The following PDE1A variants were observed in gnomAD, a reference collection of about 807,000 sequenced individuals.
The protein encoded by PDE1A is phosphodiesterase 1A.
A neutral mutation model predicts 61.7 loss-of-function variants in PDE1A; 35 were observed. The ratio of observed to expected loss-of-function variants is 0.57; its 90% CI spans 0.43 to 0.75. PDE1A has a LOEUF of 0.75. Among genes scored for constraint, PDE1A ranks in the 30% least tolerant of loss-of-function variants. The pLI is 0.00. For synonymous variants in PDE1A, 232 were observed against 213.2 expected (o/e 1.09, Z -0.77); for missense variants, 597 against 630.6 (o/e 0.95, Z 0.57).
the PDE1A span, among the ~76,000 whole-genome samples, chr2:182,700,660 T>G: frequency 8.6e-5 from 12 of 139,768 alleles, no homozygotes; most frequent in East Asian, 1.7e-3. Flanking sequence ...AGGCAGAGGT[T>G]GCAGTGAGCT....
chr2:182,427,126 C>G (rs1703673251), upstream of PDE1A: 2 of 390,684 alleles, frequency 5.1e-6, no homozygotes, highest in Non-Finnish European at 7.0e-6. Flanking sequence ...TTCAGCAGCC[C>G]CATGTGAGTA....
the PDE1A span, among the ~76,000 whole-genome samples, chr2:182,619,896 C>T: frequency 6.6e-6 from 1 of 152,114 alleles, no homozygotes. Context: ...TGGCAGAAGG[C>T]AGAAGCGCAA....
At chr2:182,240,020 G>A in intron 3 of PDE1A, 90 bp downstream of exon 3, 1 of 1,127,388 alleles carries the variant, frequency 8.9e-7, no homozygotes. Flanking sequence ...GTCAATAAGT[G>A]AAATATAGAC....
intron 2 of PDE1A, among the ~76,000 whole-genome samples, chr2:182,494,384 C>T (rs1688583005): frequency 2.0e-5 from 3 of 152,038 alleles, no homozygotes; most frequent in Admixed American, 2.0e-4. Context: ...TATAATTGAT[C>T]ATACTCTCCA....
intron 2 of PDE1A, among the ~76,000 whole-genome samples, chr2:182,464,592 TA>T (rs547652252): frequency 2.6e-5 from 4 of 151,850 alleles, no homozygotes; most frequent in Non-Finnish European, 4.4e-5. Context: ...GTTAACATGG[TA>T]AAAAAAATAA....
chr2:182,380,106 C>CTTTTTTTT (rs1226939777), intron 1 of PDE1A, among the ~76,000 whole-genome samples: 2 of 103,856 alleles, frequency 1.9e-5, no homozygotes, highest in Non-Finnish European at 3.7e-5. Context: ...CCCAGCTCCT[C>CTTTTTTTT]TTTTTTTTTT....
the PDE1A span, among the ~76,000 whole-genome samples, chr2:182,595,565 G>A: frequency 6.6e-6 from 1 of 152,198 alleles, no homozygotes; most frequent in African/African-American, 2.4e-5. Flanking sequence ...CTACTCAATC[G>A]TTTTCAACTT....
At chr2:182,247,354 G>A (rs1173208050) in intron 2 of PDE1A, among the ~76,000 whole-genome samples, 3 of 152,122 alleles carry the variant, frequency 2.0e-5, no homozygotes, top group Non-Finnish European at 4.4e-5. Context: ...ATAGAGAAGA[G>A]TAAGAAACTT....
At chr2:182,379,492 G>A (rs927719742) in intron 1 of PDE1A, among the ~76,000 whole-genome samples, 5 of 152,108 alleles carry the variant, frequency 3.3e-5, no homozygotes, top group East Asian at 1.9e-4. Context: ...CTGTTCAAAC[G>A]TCTGATAGAA....
chr2:182,447,640 T>A (rs1156974924), intron 2 of PDE1A, among the ~76,000 whole-genome samples: 1 of 151,964 alleles, frequency 6.6e-6, no homozygotes, highest in Non-Finnish European at 1.5e-5. Flanking sequence ...TTTTCAACCT[T>A]ATTTTCACTG....
chr2:182,571,671 A>AAAT, the PDE1A span, among the ~76,000 whole-genome samples: 37 of 151,664 alleles, frequency 2.4e-4, no homozygotes, highest in Admixed American at 3.3e-4. Context: ...TTATATTTAA[A>AAAT]AATAATAATA....
chr2:182,382,951 G>A (rs1029621407), intron 1 of PDE1A, among the ~76,000 whole-genome samples: 1 of 152,114 alleles, frequency 6.6e-6, no homozygotes, highest in East Asian at 1.9e-4. Flanking sequence ...TAAATTTAAA[G>A]TTTCCATAGC....
intron 13 of PDE1A, among the ~76,000 whole-genome samples, chr2:182,173,881 C>T (rs1006982831): frequency 2.0e-5 from 3 of 152,036 alleles, no homozygotes; most frequent in African/African-American, 4.8e-5. Flanking sequence ...AGAACACATA[C>T]CTTATAAATA....
At chr2:182,281,762 C>A (rs1042647247) in intron 1 of PDE1A, among the ~76,000 whole-genome samples, 1 of 151,856 alleles carries the variant, frequency 6.6e-6, no homozygotes, top group East Asian at 1.9e-4. Flanking sequence ...GTTTTACAGT[C>A]ACTCTGATTT....
At chr2:182,607,280 G>T in the PDE1A span, among the ~76,000 whole-genome samples, 1 of 152,154 alleles carries the variant, frequency 6.6e-6, no homozygotes, top group African/African-American at 2.4e-5. Flanking sequence ...TTAAGATTGG[G>T]AGGGCCAATT....
the PDE1A span, among the ~76,000 whole-genome samples, chr2:182,628,940 T>C: frequency 4.6e-4 from 70 of 152,218 alleles, no homozygotes; most frequent in African/African-American, 1.6e-3. Context: ...CTTGTGATTG[T>C]ATTTCATTTC....
At chr2:182,626,848 CATATATATATACATATATATAT>C in the PDE1A span, among the ~76,000 whole-genome samples, 10 of 34,394 alleles carry the variant, frequency 2.9e-4, no homozygotes, top group Non-Finnish European at 4.0e-4. Flanking sequence ...CATATATATA[CATATATATATACATATATATAT>C]ACATATATAT....
chr2:182,384,127 C>T (rs1266162957), intron 1 of PDE1A, among the ~76,000 whole-genome samples: 1 of 152,200 alleles, frequency 6.6e-6, no homozygotes, highest in Non-Finnish European at 1.5e-5. Flanking sequence ...CTCAGTGGCT[C>T]TGAGCTTCTG....
intron 8 of PDE1A, among the ~76,000 whole-genome samples, chr2:182,202,142 T>C (rs1686710386): frequency 6.6e-6 from 1 of 152,090 alleles, no homozygotes; most frequent in African/African-American, 2.4e-5. Context: ...CTATTCCAAA[T>C]ACAGTATTAT....
Sources: gnomAD v4.1 joint callset for allele counts (sites outside exome capture counted in the v4.1 genomes callset) on GRCh38, gnomAD v4.1.1 for gene constraint, MANE v1.5 for transcripts, NCBI Gene and HGNC (gene_info 2026-07-23, HGNC 2026-07-21) for gene names.